The following CLCN7 variants were observed in gnomAD, a reference collection of about 807,000 sequenced individuals.
CLCN7 encodes the protein Cl-/H+ antiporter 7.
In CLCN7, 60 loss-of-function variants were observed where a neutral mutation model predicts 102.1. The observed-to-expected ratio is 0.59, with a 90% confidence interval of 0.48 to 0.73. The LOEUF is 0.73. Ranked by LOEUF, CLCN7 falls within the 30% of genes least tolerant of loss-of-function variation. CLCN7 has a pLI of 0.00. For synonymous variants in CLCN7, 560 were observed against 490.5 expected (o/e 1.14, Z -1.87); for missense variants, 962 against 1,125.7 (o/e 0.85, Z 2.08).
Position 1,451,809 on chromosome 16 carries a change from C to T in CLCN7, c.1354-93G>A, listed in dbSNP as rs1466821646. 6.9e-6 allele frequency: 7 copies of T among 1,015,486 alleles called. No homozygotes were observed. The East Asian group carries it at 1.6e-4, about 23-fold the overall frequency. The allele number at this position is 1,015,486 out of a possible 1,614,324, so 62.9% of individuals were successfully genotyped here. A position where few individuals can be genotyped will look rare whatever the true frequency, so the allele number is the denominator to read the frequency against. ...GTGTCGCCGTGAGAGGCCGTGTACC[C>T]TGTGCCTGGCCAGCATCAGGCGCGA... On this transcript the variant is annotated intron_variant, in intron 15 of 24. Coordinates refer to ENST00000382745, the MANE Select transcript of CLCN7 (RefSeq NM_001287.6).
chr16:1,450,702 C>A (rs772356311), intron 16 of CLCN7, 36 bp from the exon 17 acceptor site: 3 of 1,299,238 alleles, frequency 2.3e-6, no homozygotes, highest in Non-Finnish European at 3.2e-6. Flanking sequence ...GCCTCCACGA[C>A]TCCCGCCTCC....
At chr16:1,471,183 A>G (rs966301931) in intron 1 of CLCN7, among the ~76,000 whole-genome samples, 2 of 152,084 alleles carry the variant, frequency 1.3e-5, no homozygotes, top group African/African-American at 2.4e-5. Flanking sequence ...CCAGCCTCCA[A>G]CAAGCCACTC....
Position 1,450,175 on chromosome 16 carries a change from A to T in CLCN7, c.1617+322T>A, listed in dbSNP as rs376359612. On this transcript the variant is annotated intron_variant, in intron 17 of 24. Transcript: ENST00000382745. The stretch of plus-strand genomic sequence containing the variant: ...GCAGCCCTGGCCGGACATCCACCCC[A>T]TGGAGTCTAGAAACAGCTCTGCAGC... 10 of 414,236 alleles carry T rather than the reference A, an allele frequency of 2.4e-5. No individual in the cohort carries two copies. The East Asian group carries it at 4.5e-4, about 19-fold the overall frequency. 25.7% of individuals were successfully genotyped at this position (414,236 alleles called of 1,614,324 possible). A position where few individuals can be genotyped will look rare whatever the true frequency, so the allele number is the denominator to read the frequency against.
intron 2 of CLCN7, among the ~76,000 whole-genome samples, chr16:1,463,736 G>A (rs1026922662): frequency 6.6e-6 from 1 of 150,808 alleles, no homozygotes; most frequent in Admixed American, 6.6e-5. Context: ...GTTTCCCAAA[G>A]TGTTGGGATT....
rs1179533503 is a variant in CLCN7, at chr16:1,460,559, C to T, written c.485-32G>A. ...CTCATCAAGGAGGGCTGGCTGCTTC[C>T]CCGTCATGACCACCCAGCCCAGACC... is the stretch of plus-strand genomic sequence containing the variant. On this transcript the variant is annotated intron_variant, in intron 5 of 24. Coordinates refer to ENST00000382745, the MANE Select transcript of CLCN7 (RefSeq NM_001287.6). 8 of 1,545,194 alleles carry T rather than the reference C, an allele frequency of 5.2e-6. No homozygotes were observed. The East Asian group carries it at 9.0e-5, about 17-fold the overall frequency.
chr16:1,448,245 T>C, intron 21 of CLCN7, 110 bp downstream of exon 21: 4 of 1,438,304 alleles, frequency 2.8e-6, no homozygotes, highest in Non-Finnish European at 3.8e-6. Flanking sequence ...GAACTGCCAG[T>C]GCACCCAAAC....
Position 1,450,480 on chromosome 16 carries a change from C to T in CLCN7, c.1617+17G>A. ...TCAGCTGCAGGGCCCCACAGCCTCC[C>T]CTCCGGCCCCACTCACCGCCGCCCC... On this transcript the variant is annotated intron_variant, in intron 17 of 24. Transcript: ENST00000382745. The T allele has an allele frequency of 2.5e-6, 4 of 1,584,150 alleles. No homozygotes were observed. Among genetic ancestry groups the T allele is most frequent in the Non-Finnish European group, 3.4e-6 (4 of 1,166,068 alleles).
intron 1 of CLCN7, 22 bp downstream of exon 1, chr16:1,474,812 C>T: frequency 1.1e-5 from 14 of 1,314,318 alleles, no homozygotes; most frequent in Non-Finnish European, 1.4e-5. Context: ...AGTTTCCCCG[C>T]CTGCGCCCTG....
At chr16:1,471,920 G>C (rs1359977968) in intron 1 of CLCN7, 1 of 152,446 alleles carries the variant, frequency 6.6e-6, no homozygotes, top group Non-Finnish European at 1.5e-5. Flanking sequence ...GTGCGCAGCA[G>C]GGCTGACCTC....
At chr16:1,464,846 G>A (rs1189222096) in intron 2 of CLCN7, among the ~76,000 whole-genome samples, 4 of 152,180 alleles carry the variant, frequency 2.6e-5, no homozygotes, top group South Asian at 2.1e-4. Flanking sequence ...GAAGGAAGAC[G>A]AGCACGCTGC....
At chr16:1,474,115 G>C (rs958405211) in intron 1 of CLCN7, 1 of 454,870 alleles carries the variant, frequency 2.2e-6, no homozygotes, top group African/African-American at 2.0e-5. Flanking sequence ...ACAATACACA[G>C]ACAGGGAAAC....
At chr16:1,466,401 G>A (rs1480987205) in intron 1 of CLCN7, among the ~76,000 whole-genome samples, 1 of 152,206 alleles carries the variant, frequency 6.6e-6, no homozygotes, top group African/African-American at 2.4e-5. Context: ...AGGTGATGGC[G>A]CCAGGAGCCC....
In CLCN7 at chr16:1,447,394, G is replaced by A. The variant is rs1178634350; in HGVS notation, c.2248C>T (p.Gln750Ter). The A allele has an allele frequency of 6.5e-7, 1 of 1,548,348 alleles. No individual in the cohort carries two copies. Among genetic ancestry groups the A allele is most frequent in the Non-Finnish European group, 8.7e-7 (1 of 1,145,946 alleles). The change falls in exon 23 of 25, where the codon CAG becomes TAG. Residue 750 changes from glutamine to a stop codon, truncating the protein, a stop_gained and splice_region_variant. Transcript: ENST00000382745. LOFTEE classifies it high-confidence loss of function. ...CCATGCCCATGCCCTGCACATGCCTGGGGCACCGTGTAGGGGGAGGGGTTC... is the reference window on the plus strand; with the variant it reads ...CCATGCCCATGCCCTGCACATGCCTAGGGCACCGTGTAGGGGGAGGGGTTC... ...FMNPSPYTVP[Q>*]EASLPRVFKL...
At position 1,459,141 on chromosome 16, in the gene CLCN7, T is replaced by C. The variant is rs367567630; in HGVS notation, c.641A>G (p.Asn214Ser). 11 of 1,613,034 alleles carry C rather than the reference T, an allele frequency of 6.8e-6. No homozygotes were observed. Among genetic ancestry groups the C allele is most frequent in the African/African-American group, 1.3e-5 (1 of 74,936 alleles). ...SGIPQIKCFLNGVKIPHVVRL... is the reference protein window; with the variant it reads ...SGIPQIKCFLSGVKIPHVVRL... ...CACCACGTGGGGGATCTTCACCCCGTTGAGGAAGCACTTGATCTGGGGGAT... is the reference window on the plus strand; with the variant it reads ...CACCACGTGGGGGATCTTCACCCCGCTGAGGAAGCACTTGATCTGGGGGAT... The change falls in exon 7 of 25, where the codon AAC (asparagine) becomes AGC (serine). Residue 214 changes from asparagine (N) to serine (S), a missense_variant. Transcript: ENST00000382745.
chr16:1,459,344 G>C, intron 6 of CLCN7, 157 bp from the exon 7 acceptor site: 1 of 611,440 alleles, frequency 1.6e-6, no homozygotes, highest in Non-Finnish European at 3.0e-6. Context: ...CCCAGGGAAG[G>C]GAAGAGCAGC....
chr16:1,448,885 G>C, intron 19 of CLCN7, 81 bp downstream of exon 19: 1 of 1,601,658 alleles, frequency 6.2e-7, no homozygotes, highest in Non-Finnish European at 8.5e-7. Context: ...CCCCGGGACC[G>C]GCTGTTTGGA....
rs1020731123 is a variant in CLCN7, at chr16:1,470,156, C to A, written c.141+4678G>T. 3.3e-5 allele frequency among the ~76,000 whole-genome samples: 5 copies of A among 152,336 alleles called. No individual in the cohort carries two copies. The East Asian group carries it at 9.6e-4, about 29-fold the overall frequency. On this transcript the variant is annotated intron_variant, in intron 1 of 24. Coordinates refer to ENST00000382745, the MANE Select transcript of CLCN7 (RefSeq NM_001287.6). Reference sequence around the variant, plus strand: ...CTGACTGCACTCACGGATGATTAAACGGTCATTAAACAAAATGTTTTTTAG... The same window carrying A: ...CTGACTGCACTCACGGATGATTAAAAGGTCATTAAACAAAATGTTTTTTAG...
At chr16:1,474,702 C>A (rs1384093061) in intron 1 of CLCN7, 132 bp downstream of exon 1, 19 of 790,528 alleles carry the variant, frequency 2.4e-5, no homozygotes, top group Non-Finnish European at 3.1e-5. Context: ...CCCCGGGGCG[C>A]GTTCCCGAGT....
At chr16:1,470,173 G>A (rs1567277034) in intron 1 of CLCN7, among the ~76,000 whole-genome samples, 1 of 152,206 alleles carries the variant, frequency 6.6e-6, no homozygotes, top group Non-Finnish European at 1.5e-5. Flanking sequence ...TAAACAAAAT[G>A]TTTTTTAGAA....
Sources: allele counts gnomAD v4.1 joint callset (sites outside exome capture counted in the v4.1 genomes callset), GRCh38; gene constraint gnomAD v4.1.1; transcripts MANE v1.5; gene names NCBI Gene and HGNC (gene_info 2026-07-23, HGNC 2026-07-21).